The following EHD4 variants were observed in gnomAD, a reference collection of about 807,000 sequenced individuals.
EHD4 encodes the protein EH domain-containing protein 4.
EHD4 carries 37 observed loss-of-function variants against 51.0 expected under a neutral mutation model. The ratio of observed to expected loss-of-function variants is 0.73; its 90% CI spans 0.56 to 0.95. EHD4 has a LOEUF of 0.95. EHD4 is among the 40% of genes least tolerant of loss of function. The pLI, the probability that EHD4 is intolerant of heterozygous loss-of-function variation, is 0.00. For missense variants in EHD4, 632 were observed against 733.1 expected (o/e 0.86, Z 1.59); for synonymous variants, 297 against 317.3 (o/e 0.94, Z 0.68).
chr15:41,958,107 A>AGG (rs58687637), intron 1 of EHD4, among the ~76,000 whole-genome samples: 14,543 of 151,846 alleles, frequency 0.096, 837 homozygotes, highest in South Asian at 0.26. Flanking sequence ...CAATAACAAC[A>AGG]ATTCAAAGGA....
chr15:41,915,821 A>T (rs902751584), intron 4 of EHD4, among the ~76,000 whole-genome samples: 1 of 152,192 alleles, frequency 6.6e-6, no homozygotes, highest in Admixed American at 6.5e-5. Context: ...GTCTACTGAG[A>T]TTGTAAGAAG....
rs768609604 is a variant in EHD4, at chr15:41,919,384, G to T, written c.750C>A (p.Pro250=). The change falls in exon 4 of 6, where the codon CCC becomes CCA. Residue 250 remains proline (P), a synonymous_variant. Transcript: ENST00000220325. ...MWSLGKVINT[P]EVLRVYIGSF... Reference sequence around the variant, plus strand: ...AGCCAATGTAGACGCGCAGTACCTCGGGCGTGTTGATGACCTTGCCTAGGG... The same window carrying T: ...AGCCAATGTAGACGCGCAGTACCTCTGGCGTGTTGATGACCTTGCCTAGGG... 6.2e-7 allele frequency: 1 copy of T among 1,611,930 alleles called. No individual in the cohort carries two copies. Among genetic ancestry groups the T allele is most frequent in the South Asian group, 1.1e-5 (1 of 90,868 alleles).
At chr15:41,932,357 G>A (rs1353044952) in intron 3 of EHD4, among the ~76,000 whole-genome samples, 1 of 152,186 alleles carries the variant, frequency 6.6e-6, no homozygotes, top group Non-Finnish European at 1.5e-5. Context: ...CTCTGGGAGA[G>A]GAACTGGGGG....
chr15:41,960,712 C>T (rs1295291150), intron 1 of EHD4, among the ~76,000 whole-genome samples: 5 of 127,386 alleles, frequency 3.9e-5, no homozygotes, highest in African/African-American at 1.5e-4. Context: ...CTTGCTTTGT[C>T]ACCCAGGCTG....
At chr15:41,918,997 T>C (rs545854846) in intron 4 of EHD4, among the ~76,000 whole-genome samples, 33 of 152,298 alleles carry the variant, frequency 2.2e-4, no homozygotes, top group African/African-American at 7.2e-4. Context: ...ATGGTACAGA[T>C]TGGAGAACAG....
At position 41,926,568 on chromosome 15, in the gene EHD4, C is replaced by A. The variant is rs2067663005; in HGVS notation, c.512-6946G>T. On this transcript the variant is annotated intron_variant, in intron 3 of 5. Transcript: ENST00000220325. ...GCAGGCACCAAGAGTTCCTTCTTGT[C>A]CCCAGGTTCCAACCTCACTAATCTA... Among the ~76,000 whole-genome samples, 4 of 152,190 alleles carry A rather than the reference C, an allele frequency of 2.6e-5. No homozygotes were observed. The South Asian group carries it at 8.3e-4, about 32-fold the overall frequency.
In EHD4 at chr15:41,944,885, C is replaced by T. The variant is rs377197925; in HGVS notation, c.414-1721G>A. Among the ~76,000 whole-genome samples the T allele has an allele frequency of 2.7e-4, 41 of 152,322 alleles. No individual in the cohort carries two copies. In the East Asian group the frequency reaches 7.9e-3, roughly 29 times the overall value. On this transcript the variant is annotated intron_variant, in intron 2 of 5. Coordinates refer to ENST00000220325, the MANE Select transcript of EHD4 (RefSeq NM_139265.4). ...TTCCACCTGTCTGCAGACACTTGTGCACAGTCCCCTCCTGTACCCCAACCT... is the reference window on the plus strand; with the variant it reads ...TTCCACCTGTCTGCAGACACTTGTGTACAGTCCCCTCCTGTACCCCAACCT...
intron 1 of EHD4, among the ~76,000 whole-genome samples, chr15:41,965,666 T>G (rs1415959791): frequency 6.6e-6 from 1 of 152,182 alleles, no homozygotes; most frequent in Non-Finnish European, 1.5e-5. Context: ...GGCCTCCAAG[T>G]GATTCTGATG....
At chr15:41,964,456 G>A (rs1302957107) in intron 1 of EHD4, among the ~76,000 whole-genome samples, 1 of 150,924 alleles carries the variant, frequency 6.6e-6, no homozygotes, top group Non-Finnish European at 1.5e-5. Flanking sequence ...TGAATAAATT[G>A]GCTGGGTGTG....
chr15:41,937,106 C>T (rs568328754), intron 3 of EHD4, among the ~76,000 whole-genome samples: 1 of 152,352 alleles, frequency 6.6e-6, no homozygotes, highest in South Asian at 2.1e-4. Flanking sequence ...ATGATCCACG[C>T]CTGTGGCTGC....
chr15:41,932,362 T>G (rs149253811), intron 3 of EHD4, among the ~76,000 whole-genome samples: 1 of 152,296 alleles, frequency 6.6e-6, no homozygotes, highest in African/African-American at 2.4e-5. Context: ...GGAGAGGAAC[T>G]GGGGGATATG....
intron 1 of EHD4, 124 bp from the exon 2 acceptor site, chr15:41,954,064 A>G: frequency 9.8e-7 from 1 of 1,021,116 alleles, no homozygotes; most frequent in Non-Finnish European, 1.4e-6. Context: ...AACCCCCAAG[A>G]AAAGCACGCA....
chr15:41,917,758 A>G (rs973296458), intron 4 of EHD4, among the ~76,000 whole-genome samples: 1 of 152,226 alleles, frequency 6.6e-6, no homozygotes, highest in Admixed American at 6.5e-5. Context: ...AAGTGGATTT[A>G]CAAACTAGTT....
At chr15:41,947,052 G>A (rs1186701099) in intron 2 of EHD4, among the ~76,000 whole-genome samples, 2 of 152,194 alleles carry the variant, frequency 1.3e-5, no homozygotes, top group South Asian at 2.1e-4. Flanking sequence ...TTTAGAGGAG[G>A]AGACTGGGCA....
At chr15:41,953,652 T>C in intron 2 of EHD4, 112 bp downstream of exon 2, 1 of 1,179,572 alleles carries the variant, frequency 8.5e-7, no homozygotes. Flanking sequence ...GTATGACTTC[T>C]AGAGCAGAGA....
intron 1 of EHD4, among the ~76,000 whole-genome samples, chr15:41,954,357 C>T (rs1253620079): frequency 2.0e-5 from 3 of 152,182 alleles, no homozygotes; most frequent in East Asian, 3.9e-4. Context: ...GGATGATCTT[C>T]GTCTTATAAG....
At chr15:41,909,566 G>A in intron 5 of EHD4, 133 bp downstream of exon 5, 1 of 1,052,954 alleles carries the variant, frequency 9.5e-7, no homozygotes, top group Non-Finnish European at 1.4e-6. Context: ...CTATTATCAT[G>A]GATCACCATT....
chr15:41,907,664 C>T (rs903495434), intron 5 of EHD4, among the ~76,000 whole-genome samples: 4 of 152,054 alleles, frequency 2.6e-5, no homozygotes, highest in Non-Finnish European at 5.9e-5. Context: ...GAACTACAGA[C>T]ATGCACCACC....
chr15:41,938,030 C>T (rs1247487162), intron 3 of EHD4, among the ~76,000 whole-genome samples: 1 of 152,136 alleles, frequency 6.6e-6, no homozygotes, highest in Non-Finnish European at 1.5e-5. Context: ...ACACAGATGG[C>T]CTAAAGGTAA....
Sources: gnomAD v4.1 joint callset for allele counts (sites outside exome capture counted in the v4.1 genomes callset) on GRCh38, gnomAD v4.1.1 for gene constraint, MANE v1.5 for transcripts, NCBI Gene and HGNC (gene_info 2026-07-23, HGNC 2026-07-21) for gene names.